The following LARP1B variants were observed in gnomAD, a reference collection of about 807,000 sequenced individuals.
LARP1B encodes the protein la-related protein 1B.
Under a neutral mutation model 114.2 loss-of-function variants are expected in LARP1B, and 76 were observed. That is an observed-to-expected ratio of 0.67 (90% CI 0.55 to 0.81). LARP1B has a LOEUF of 0.81. LARP1B is among the 30% of genes least tolerant of loss of function. LARP1B has a pLI of 0.00. For synonymous variants in LARP1B, 345 were observed against 348.0 expected (o/e 0.99, Z 0.10); for missense variants, 1,014 against 1,075.8 (o/e 0.94, Z 0.80).
intron 8 of LARP1B, among the ~76,000 whole-genome samples, chr4:128,106,105 C>T (rs553916256): frequency 4.0e-5 from 6 of 151,726 alleles, no homozygotes; most frequent in African/African-American, 1.4e-4. Context: ...CTCACTGCAA[C>T]CTCCAGCTCC....
chr4:128,182,670 G>A (rs1012081325), intron 15 of LARP1B, among the ~76,000 whole-genome samples: 6 of 152,042 alleles, frequency 3.9e-5, no homozygotes, highest in Non-Finnish European at 8.8e-5. Flanking sequence ...GTGAAATTAA[G>A]AGTCAAAATT....
chr4:128,149,716 G>A (rs1731845482), intron 11 of LARP1B, among the ~76,000 whole-genome samples: 1 of 152,138 alleles, frequency 6.6e-6, no homozygotes, highest in Non-Finnish European at 1.5e-5. Flanking sequence ...GAGATGATAA[G>A]AAGGCCAGAA....
chr4:128,187,829 A>G (rs1750862931), intron 15 of LARP1B, among the ~76,000 whole-genome samples: 1 of 152,138 alleles, frequency 6.6e-6, no homozygotes, highest in African/African-American at 2.4e-5. Context: ...ATGGTTTAAC[A>G]CCATCTGCCT....
chr4:128,076,766 C>T (rs1289324267), intron 3 of LARP1B, among the ~76,000 whole-genome samples: 4 of 152,086 alleles, frequency 2.6e-5, no homozygotes, highest in Non-Finnish European at 5.9e-5. Context: ...CACTTTGTCA[C>T]CCAGGCTGGA....
At chr4:128,117,055 G>T (rs1271542330) in intron 10 of LARP1B, among the ~76,000 whole-genome samples, 1 of 151,902 alleles carries the variant, frequency 6.6e-6, no homozygotes, top group African/African-American at 2.4e-5. Context: ...GGGACTATAG[G>T]TGTGTGCTAT....
intron 15 of LARP1B, among the ~76,000 whole-genome samples, chr4:128,194,682 CAAAAAAAAAAAAAAAAAA>C (rs56843140): frequency 3.9e-5 from 1 of 25,900 alleles, no homozygotes; most frequent in African/African-American, 1.8e-4. Context: ...GACTCTGTCT[CAAAAAAAAAAAAAAAAAA>C]AAAAAAAAAA....
chr4:128,205,211 A>G (rs1757239162), intron 17 of LARP1B, among the ~76,000 whole-genome samples: 1 of 152,208 alleles, frequency 6.6e-6, no homozygotes, highest in African/African-American at 2.4e-5. Context: ...GCTGGTTGCA[A>G]AAGAGACACA....
At chr4:128,119,254 G>A (rs1787091271) in intron 10 of LARP1B, among the ~76,000 whole-genome samples, 1 of 152,118 alleles carries the variant, frequency 6.6e-6, no homozygotes, top group South Asian at 2.1e-4. Flanking sequence ...AGGGATGCTG[G>A]CTCTTTTTCT....
intron 12 of LARP1B, among the ~76,000 whole-genome samples, chr4:128,166,475 A>G (rs1032236744): frequency 1.3e-5 from 2 of 151,926 alleles, no homozygotes; most frequent in African/African-American, 2.4e-5. Flanking sequence ...TTAAAAATAT[A>G]TATAAGGTGT....
chr4:128,198,290 A>G (rs1294842161), intron 15 of LARP1B, among the ~76,000 whole-genome samples: 3 of 152,224 alleles, frequency 2.0e-5, no homozygotes, highest in Non-Finnish European at 4.4e-5. Context: ...AACAGTTCTT[A>G]AGTGTACAAC....
intron 15 of LARP1B, among the ~76,000 whole-genome samples, chr4:128,182,218 A>AACC (rs1748786132): frequency 1.3e-5 from 2 of 148,938 alleles, no homozygotes; most frequent in Admixed American, 1.4e-4. Context: ...GACTCAAGTG[A>AACC]TCCTCCCACT....
At chr4:128,109,855 C>T (rs945655891) in intron 9 of LARP1B, among the ~76,000 whole-genome samples, 4 of 151,922 alleles carry the variant, frequency 2.6e-5, no homozygotes, top group Non-Finnish European at 4.4e-5. Flanking sequence ...AAAAATCATA[C>T]CAGAGATGAA....
chr4:128,195,860 TGACA>T (rs1464154836), intron 15 of LARP1B, among the ~76,000 whole-genome samples: 3 of 152,136 alleles, frequency 2.0e-5, no homozygotes, highest in Non-Finnish European at 4.4e-5. Flanking sequence ...TTAGCTAGAC[TGACA>T]AAGAAAGAGA....
chr4:128,197,609 G>A (rs1219721391), intron 15 of LARP1B, among the ~76,000 whole-genome samples: 5 of 151,980 alleles, frequency 3.3e-5, no homozygotes, highest in African/African-American at 9.7e-5. Context: ...CAGGAGAATC[G>A]CTTGAACCCA....
chr4:128,061,536 C>CGCGGCCTCGGCGG lies in LARP1B; in HGVS notation c.-78+141_-78+153dup, dbSNP rs1760097243. The CGCGGCCTCGGCGG allele has an allele frequency of 2.3e-5, 7 of 308,914 alleles. No individual in the cohort carries two copies. The Admixed American group carries it at 4.6e-4, about 20-fold the overall frequency. 19.1% of individuals were successfully genotyped at this position (308,914 alleles called of 1,614,324 possible). On this transcript the variant is annotated intron_variant, in intron 1 of 19. Transcript: ENST00000326639. ...GGGAGGGGCGTCACGCCGGGCGCTG[C>CGCGGCCTCGGCGG]GCGGCCTCGGCGGGCGGCGGCAGCG...
At chr4:128,105,440 G>C (rs1240485423) in intron 8 of LARP1B, among the ~76,000 whole-genome samples, 1 of 152,056 alleles carries the variant, frequency 6.6e-6, no homozygotes, top group Non-Finnish European at 1.5e-5. Context: ...GTCTTTCAGT[G>C]GACAAAATGA....
At chr4:128,062,472 A>T (rs1760574602) in intron 1 of LARP1B, among the ~76,000 whole-genome samples, 1 of 151,940 alleles carries the variant, frequency 6.6e-6, no homozygotes, top group Admixed American at 6.6e-5. Flanking sequence ...CGGAGGTGGT[A>T]GCTTGGCGGC....
At position 128,082,227 on chromosome 4, in the gene LARP1B, CCTG is replaced by C; in HGVS notation, c.281_283del (p.Pro94_Gly95delinsArg). 1.2e-6 allele frequency: 2 copies of C among 1,613,090 alleles called. No individual in the cohort carries two copies. The highest frequency in any genetic ancestry group is 2.2e-5 in the South Asian group (2 of 91,046). ...TGTAAGATCAGAGAGTCAAGAAAGACCTGGATCCCGGAACAGCTCAAGATGTCA... is the reference window on the plus strand; with the variant it reads ...TGTAAGATCAGAGAGTCAAGAAAGACGATCCCGGAACAGCTCAAGATGTCA... On this transcript the variant is annotated inframe_deletion, in exon 5 of 20. Coordinates refer to ENST00000326639, the MANE Select transcript of LARP1B (RefSeq NM_018078.4).
chr4:128,118,559 T>G (rs1338380749), intron 10 of LARP1B, among the ~76,000 whole-genome samples: 3 of 151,940 alleles, frequency 2.0e-5, no homozygotes, highest in Non-Finnish European at 2.9e-5. Context: ...TTTTATGCAT[T>G]GTGCTGAGTA....
Sources: gnomAD v4.1 joint callset for allele counts (sites outside exome capture counted in the v4.1 genomes callset) on GRCh38, gnomAD v4.1.1 for gene constraint, MANE v1.5 for transcripts, NCBI Gene and HGNC (gene_info 2026-07-23, HGNC 2026-07-21) for gene names.